Variants in NPIPB6 observed in about 807,000 individuals in gnomAD.
NPIPB6 encodes the protein nuclear pore complex-interacting protein family member B6.
Under a neutral mutation model 20.0 loss-of-function variants are expected in NPIPB6, and 2 were observed. That is an observed-to-expected ratio of 0.10 (90% CI 0.04 to 0.31). The LOEUF is 0.31. Among genes scored for constraint, NPIPB6 ranks in the 10% least tolerant of loss-of-function variants. The pLI is 1.00. For synonymous variants in NPIPB6, 35 were observed against 116.3 expected (o/e 0.30, Z 4.50); for missense variants, 96 against 293.7 (o/e 0.33, Z 4.92).
chr16:28,346,340 C>G lies in NPIPB6; in HGVS notation c.600-1587G>C, dbSNP rs1472489130. ...GTGAGACCTGATTCTCAGTCAGAGG[C>G]TGATGCCGGAACTGAGACCATCAGC... is the stretch of plus-strand genomic sequence containing the variant. On this transcript the variant is annotated intron_variant, in intron 4 of 6. Coordinates refer to ENST00000532254, the Ensembl canonical transcript of NPIPB6. 11 of 789,426 alleles carry G rather than the reference C, an allele frequency of 1.4e-5. No individual in the cohort carries two copies. In the East Asian group the frequency reaches 1.5e-3, roughly 109 times the overall value. The allele number at this position is 789,426 out of a possible 1,614,324, so 48.9% of individuals were successfully genotyped here. A position where few individuals can be genotyped will look rare whatever the true frequency, so the allele number is the denominator to read the frequency against.
chr16:28,342,635 T>A, exon 7 of NPIPB6: 1 of 1,528,708 alleles, frequency 6.5e-7, no homozygotes, highest in South Asian at 1.2e-5. Flanking sequence ...TGCCCAGGCT[T>A]GAGTGCAATG....
rs780869157 is a variant in NPIPB6, at chr16:28,342,730, C to A, written c.1155G>T (p.Ser385=). The A allele has an allele frequency of 3.2e-6, 5 of 1,550,684 alleles. 1 individual carries two copies. In the East Asian group the frequency reaches 7.4e-5, roughly 23 times the overall value. Residue 385 remains serine, a synonymous_variant, in exon 7 of 7, where the codon TCG becomes TCT. Transcript: ENST00000532254. ...CCTCCCTCTGCCTCTTGGGCTTGGG[C>A]GATTGTTCCACCTCATCCACCCTCC...
intron 2 of NPIPB6, among the ~76,000 whole-genome samples, chr16:28,349,594 C>CACAA (rs1401388512): frequency 1.3e-5 from 1 of 78,758 alleles, no homozygotes; most frequent in South Asian, 3.5e-4. Flanking sequence ...CACACACACA[C>CACAA]AAGAATGACA....
At chr16:28,347,834 G>A (rs28758197) in intron 4 of NPIPB6, among the ~76,000 whole-genome samples, 79 of 101,178 alleles carry the variant, frequency 7.8e-4, no homozygotes, top group Admixed American at 1.6e-3. Flanking sequence ...AAATTGGGCC[G>A]GGCACGGTGG....
At chr16:28,342,602 T>TC (rs2141603780) in exon 7 of NPIPB6, 1 of 1,479,064 alleles carries the variant, frequency 6.8e-7, no homozygotes, top group East Asian at 2.5e-5. Context: ...TTTCTTTTTT[T>TC]CGACCTACGG....
intron 1 of NPIPB6, among the ~76,000 whole-genome samples, chr16:28,361,772 G>GTA (rs1166642864): frequency 1.1e-3 from 139 of 126,972 alleles, no homozygotes; most frequent in African/African-American, 3.8e-3. Flanking sequence ...GTGTGTGTAT[G>GTA]TGTGTGTGTG....
intron 1 of NPIPB6, among the ~76,000 whole-genome samples, chr16:28,360,184 C>G (rs1198224825): frequency 1.6e-5 from 2 of 126,688 alleles, no homozygotes; most frequent in Non-Finnish European, 3.6e-5. Context: ...AACCTCCAGC[C>G]CTAATCTGAG....
In NPIPB6 at chr16:28,348,260, C is replaced by T. The variant is rs566086276; in HGVS notation, c.599+574G>A. Among the ~76,000 whole-genome samples the T allele has an allele frequency of 6.6e-5, 7 of 106,682 alleles. 1 individual carries two copies. Among genetic ancestry groups the T allele is most frequent in the African/African-American group, 1.3e-4 (4 of 30,676 alleles). The allele number at this position is 106,682 out of a possible 152,430, so 70.0% of individuals were successfully genotyped here. On this transcript the variant is annotated intron_variant, in intron 4 of 6. Coordinates refer to ENST00000532254, the Ensembl canonical transcript of NPIPB6. The stretch of plus-strand genomic sequence containing the variant: ...TAGCACTCCAGCCAGGGCGACAGAG[C>T]GAGATTCTATCTCAAAATTTTAAAA...
At chr16:28,361,788 A>C (rs200735952) in intron 1 of NPIPB6, among the ~76,000 whole-genome samples, 15 of 114,664 alleles carry the variant, frequency 1.3e-4, no homozygotes, top group Admixed American at 3.4e-4. Context: ...GTGTGTGTGT[A>C]TCTATATAAA....
intron 1 of NPIPB6, among the ~76,000 whole-genome samples, chr16:28,355,973 C>T (rs1455868502): frequency 9.2e-6 from 1 of 108,378 alleles, no homozygotes; most frequent in Non-Finnish European, 2.0e-5. Flanking sequence ...GGTGAAACCC[C>T]GTCTCTACTA....
intron 1 of NPIPB6, among the ~76,000 whole-genome samples, chr16:28,360,028 G>C (rs2045396325): frequency 6.9e-6 from 1 of 145,324 alleles, no homozygotes; most frequent in South Asian, 2.1e-4. Context: ...CCTGGTCATT[G>C]AATGGGCACT....
At chr16:28,351,594 G>A (rs1221523079) in intron 2 of NPIPB6, among the ~76,000 whole-genome samples, 3 of 79,390 alleles carry the variant, frequency 3.8e-5, no homozygotes, top group Non-Finnish European at 8.2e-5. Flanking sequence ...GCAGTGAGCC[G>A]AGATCACACC....
intron 2 of NPIPB6, among the ~76,000 whole-genome samples, chr16:28,349,573 ACAC>A (rs2045173551): frequency 2.9e-5 from 3 of 104,130 alleles, no homozygotes; most frequent in Admixed American, 2.3e-4. Context: ...ACACACACAC[ACAC>A]ACACACACAC....
Position 28,350,151 on chromosome 16 carries a change from C to T in NPIPB6, c.304-910G>A, listed in dbSNP as rs1479844855. ...GGCAGAGGTTGCAGTGAGCCAAGAT[C>T]CCACCACTGCACTCCAGCCTGGTGA... On this transcript the variant is annotated intron_variant, in intron 2 of 6. Transcript: ENST00000532254. Among the ~76,000 whole-genome samples, 21 of 105,154 alleles carry T rather than the reference C, an allele frequency of 2.0e-4. 4 individuals carry two copies. The highest frequency in any genetic ancestry group is 4.1e-4 in the Non-Finnish European group (19 of 46,562). 69.0% of individuals were successfully genotyped at this position (105,154 alleles called of 152,430 possible). A position where few individuals can be genotyped will look rare whatever the true frequency, so the allele number is the denominator to read the frequency against.
At chr16:28,343,134 A>G in exon 7 of NPIPB6, 3 of 1,454,060 alleles carry the variant, frequency 2.1e-6, no homozygotes, top group Non-Finnish European at 2.8e-6. Context: ...GCTGTGAGGT[A>G]GGGCCAGTAG....
In NPIPB6 at chr16:28,346,396, A is replaced by C. The variant is rs988104262; in HGVS notation, c.600-1643T>G. ...AGAGATCCTTCCAGAATATGGTGTC[A>C]TTAACCCCGCAGTTCACTACTGCAC... On this transcript the variant is annotated intron_variant, in intron 4 of 6. Transcript: ENST00000532254. Among the ~76,000 whole-genome samples, 48 of 117,674 alleles carry C rather than the reference A, an allele frequency of 4.1e-4. 13 individuals carry two copies. Among genetic ancestry groups the C allele is most frequent in the Non-Finnish European group, 5.7e-5 (3 of 52,726 alleles). 77.2% of individuals were successfully genotyped at this position (117,674 alleles called of 152,430 possible). A position where few individuals can be genotyped will look rare whatever the true frequency, so the allele number is the denominator to read the frequency against.
chr16:28,362,865 T>C lies in NPIPB6; in HGVS notation c.-43A>G. 2 of 1,339,678 alleles carry C rather than the reference T, an allele frequency of 1.5e-6. No individual in the cohort carries two copies. The highest frequency in any genetic ancestry group is 1.0e-6 in the Non-Finnish European group (1 of 989,494). 83.0% of individuals were successfully genotyped at this position (1,339,678 alleles called of 1,614,324 possible). A position where few individuals can be genotyped will look rare whatever the true frequency, so the allele number is the denominator to read the frequency against. On this transcript the variant is annotated 5_prime_UTR_variant, in exon 1 of 7. Coordinates refer to ENST00000532254, the Ensembl canonical transcript of NPIPB6. Reference sequence around the variant, plus strand: ...GGGCTCATCATGAGTGCCAACCTATTAGATAATTTAAAAAAATAGTGTTGA... The same window carrying C: ...GGGCTCATCATGAGTGCCAACCTATCAGATAATTTAAAAAAATAGTGTTGA...
At chr16:28,351,785 T>G (rs1301543805) in intron 2 of NPIPB6, among the ~76,000 whole-genome samples, 1 of 64,702 alleles carries the variant, frequency 1.5e-5, no homozygotes, top group Non-Finnish European at 3.5e-5. Flanking sequence ...TCTACATATC[T>G]TGAAAGGCAG....
In NPIPB6 at chr16:28,349,953, C is replaced by A. The variant is rs1182015263; in HGVS notation, c.304-712G>T. On this transcript the variant is annotated intron_variant, in intron 2 of 6. Coordinates refer to ENST00000532254, the Ensembl canonical transcript of NPIPB6. ...GTAGCTCACGCCTGTAATCCCAGCACTTTGGGAGGCTGAGGCGGGTGAATC... is the reference window on the plus strand; with the variant it reads ...GTAGCTCACGCCTGTAATCCCAGCAATTTGGGAGGCTGAGGCGGGTGAATC... Among the ~76,000 whole-genome samples, 525 of 101,952 alleles carry A rather than the reference C, an allele frequency of 5.1e-3. 20 individuals are homozygous for A. The highest frequency in any genetic ancestry group is 0.017 in the African/African-American group (509 of 30,698). The allele number at this position is 101,952 out of a possible 152,430, so 66.9% of individuals were successfully genotyped here.
Sources: allele counts gnomAD v4.1 joint callset (sites outside exome capture counted in the v4.1 genomes callset), GRCh38; gene constraint gnomAD v4.1.1; transcripts MANE v1.5; gene names NCBI Gene and HGNC (gene_info 2026-07-23, HGNC 2026-07-21).